The following NUP155 variants were observed in gnomAD, a reference collection of about 807,000 sequenced individuals.
NUP155 encodes nuclear pore complex protein Nup155.
In NUP155, 71 loss-of-function variants were observed where a neutral mutation model predicts 180.4. That is an observed-to-expected ratio of 0.39 (90% CI 0.33 to 0.48). NUP155 has a LOEUF of 0.48. Among genes scored for constraint, NUP155 ranks in the 20% least tolerant of loss-of-function variants. The probability of loss-of-function intolerance (pLI) is 0.91; values close to 1 mark genes in which losing one functional copy is unlikely to be tolerated. For missense variants in NUP155, 1,553 were observed against 1,648.9 expected (o/e 0.94, Z 1.01); for synonymous variants, 582 against 559.5 (o/e 1.04, Z -0.57).
rs1746304229 is a variant in NUP155 at position 37,349,225 on chromosome 5, T to C, written c.850A>G (p.Ile284Val). The C allele has an allele frequency of 1.2e-6, 1 of 840,692 alleles. No homozygotes were observed. The allele number at this position is 840,692 out of a possible 1,614,324, so 52.1% of individuals were successfully genotyped here. ...SEDDPILQIAIDNSRNILYTR... is the reference protein window; with the variant it reads ...SEDDPILQIAVDNSRNILYTR... ...TATAAAATATTTCTAGAATTATCAA[T>C]TGCAATTTGAAGAATAGGATCTAAA... Residue 284 changes from isoleucine to valine, a missense_variant, in exon 8 of 35, where the codon ATT (isoleucine) becomes GTT (valine). Transcript: ENST00000231498.
chr5:37,349,298 A>G, intron 7 of NUP155, 53 bp from the exon 8 acceptor site: 1 of 598,494 alleles, frequency 1.7e-6, no homozygotes, highest in Non-Finnish European at 2.9e-6. Context: ...AAGGATTAAC[A>G]AAGCAAATAC....
chr5:37,343,291 G>A lies in NUP155; in HGVS notation c.996-645C>T, dbSNP rs566794767. ...GGGTTTCACTATGTTAGCCAGGATG[G>A]TCTCGATCTCCTGACCTCATGATCC... On this transcript the variant is annotated intron_variant, in intron 9 of 34. Coordinates refer to ENST00000231498, the MANE Select transcript of NUP155 (RefSeq NM_153485.3). Among the ~76,000 whole-genome samples the A allele has an allele frequency of 2.0e-5, 3 of 151,886 alleles. No homozygotes were observed. The South Asian group carries it at 6.2e-4, about 32-fold the overall frequency.
chr5:37,359,635 T>C (rs1222823614), intron 3 of NUP155, among the ~76,000 whole-genome samples: 1 of 152,126 alleles, frequency 6.6e-6, no homozygotes, highest in Non-Finnish European at 1.5e-5. Flanking sequence ...TAAATACCAC[T>C]TGCTACTTAC....
intron 11 of NUP155, among the ~76,000 whole-genome samples, chr5:37,339,290 G>T (rs1745556092): frequency 7.1e-6 from 1 of 141,582 alleles, no homozygotes; most frequent in African/African-American, 2.8e-5. Context: ...CTGCTTGGGT[G>T]ACAGTAGACA....
intron 13 of NUP155, 72 bp downstream of exon 13, chr5:37,333,391 A>T: frequency 1.6e-6 from 2 of 1,260,066 alleles, no homozygotes; most frequent in Non-Finnish European, 2.3e-6. Context: ...TTAAGCCACT[A>T]CTTCAGAGAA....
Position 37,353,563 on chromosome 5 carries a change from C to A in NUP155, c.464-734G>T, listed in dbSNP as rs913220062. Among the ~76,000 whole-genome samples the A allele has an allele frequency of 7.2e-5, 11 of 152,050 alleles. No individual in the cohort carries two copies. In the East Asian group the frequency reaches 2.1e-3, roughly 29 times the overall value. ...CGCCATTACACCCCAGTCTGGACGA[C>A]AGAGTGAGACTCCATCTCAAAAAAA... is the stretch of plus-strand genomic sequence containing the variant. On this transcript the variant is annotated intron_variant, in intron 4 of 34. Transcript: ENST00000231498.
chr5:37,320,061 T>C (rs1467914244), intron 20 of NUP155, among the ~76,000 whole-genome samples: 1 of 152,084 alleles, frequency 6.6e-6, no homozygotes, highest in Non-Finnish European at 1.5e-5. Flanking sequence ...AGCACATGCC[T>C]GTAGCCCCAG....
intron 21 of NUP155, among the ~76,000 whole-genome samples, chr5:37,315,232 AAAAC>A (rs1425862563): frequency 2.0e-5 from 3 of 152,234 alleles, no homozygotes; most frequent in Admixed American, 2.0e-4. Context: ...ACTCCATCTC[AAAAC>A]AAACAAACCA....
At chr5:37,331,279 A>T (rs1744944477) in intron 14 of NUP155, among the ~76,000 whole-genome samples, 1 of 151,960 alleles carries the variant, frequency 6.6e-6, no homozygotes, top group Non-Finnish European at 1.5e-5. Context: ...TATTGTTAAG[A>T]TTATCTATTT....
At chr5:37,313,418 T>G (rs1284743159) in intron 22 of NUP155, among the ~76,000 whole-genome samples, 1 of 148,148 alleles carries the variant, frequency 6.8e-6, no homozygotes, top group East Asian at 2.0e-4. Context: ...AGAGTGAGAC[T>G]CCATCTCTTA....
Position 37,363,996 on chromosome 5 carries a change from T to C in NUP155, c.296-12A>G. 1.9e-6 allele frequency: 3 copies of C among 1,580,006 alleles called. No individual in the cohort carries two copies. The South Asian group carries it at 3.3e-5, about 17-fold the overall frequency. ...ATTACACTGCATATCTGAGGTAGTG[T>C]GGATGTAAGGCAGACAGAGGTGAAT... is the stretch of plus-strand genomic sequence containing the variant. On this transcript the variant is annotated splice_polypyrimidine_tract_variant and intron_variant, in intron 2 of 34. Coordinates refer to ENST00000231498, the MANE Select transcript of NUP155 (RefSeq NM_153485.3).
chr5:37,297,298 T>C (rs1742638851), intron 32 of NUP155, among the ~76,000 whole-genome samples: 2 of 151,644 alleles, frequency 1.3e-5, no homozygotes, highest in Admixed American at 1.3e-4. Context: ...AGATTACAGG[T>C]GTGAGCCACC....
At chr5:37,300,556 G>C (rs13160521) in intron 30 of NUP155, among the ~76,000 whole-genome samples, 20,977 of 152,230 alleles carry the variant, frequency 0.14, 1,779 homozygotes, top group East Asian at 0.3. Flanking sequence ...GAACTGCTCA[G>C]AAAATTACAG....
chr5:37,296,158 C>G (rs1224034547), intron 32 of NUP155, among the ~76,000 whole-genome samples: 1 of 152,186 alleles, frequency 6.6e-6, no homozygotes, highest in African/African-American at 2.4e-5. Flanking sequence ...GCCCGGCCAC[C>G]ACCCCATCTG....
rs1744564366 is a variant in NUP155 at position 37,325,800 on chromosome 5, G to C, written c.2091+101C>G. The C allele has an allele frequency of 7.7e-5, 51 of 659,688 alleles. No individual in the cohort carries two copies. The South Asian group carries it at 8.4e-4, about 11-fold the overall frequency. 40.9% of individuals were successfully genotyped at this position (659,688 alleles called of 1,614,324 possible). A position where few individuals can be genotyped will look rare whatever the true frequency, so the allele number is the denominator to read the frequency against. On this transcript the variant is annotated intron_variant, in intron 19 of 34. Coordinates refer to ENST00000231498, the MANE Select transcript of NUP155 (RefSeq NM_153485.3). ...AAAAAAAAAAAAAAAAATAACCTTTGCCATCTTATTTGTGTAATATCAGGA... is the reference window on the plus strand; with the variant it reads ...AAAAAAAAAAAAAAAAATAACCTTTCCCATCTTATTTGTGTAATATCAGGA...
Position 37,303,305 on chromosome 5 carries a change from A to C in NUP155, c.3272T>G (p.Phe1091Cys), listed in dbSNP as rs775419949. Residue 1091 changes from phenylalanine (F) to cysteine (C), a missense_variant, in exon 28 of 35, where the codon TTC becomes TGC. Transcript: ENST00000231498. Reference protein sequence around the residue: ...LWRYYEKNRSFSNAARVLSRL... With the variant: ...LWRYYEKNRSCSNAARVLSRL... ...GGACAGTACACGAGCAGCATTACTG[A>C]AACTTCTGTTCTTCTCGTAATACCG... 2 of 1,614,154 alleles carry C rather than the reference A, an allele frequency of 1.2e-6. No individual in the cohort carries two copies.
At position 37,290,979 on chromosome 5, in the gene NUP155, C is replaced by T. The variant is rs999265080; in HGVS notation, c.*921G>A. 4.6e-5 allele frequency: 7 copies of T among 152,114 alleles called. No individual in the cohort carries two copies. Among genetic ancestry groups the T allele is most frequent in the African/African-American group, 1.7e-4 (7 of 41,418 alleles). The allele number at this position is 152,114 out of a possible 1,614,324, so 9.4% of individuals were successfully genotyped here. On this transcript the variant is annotated 3_prime_UTR_variant, in exon 35 of 35. Coordinates refer to ENST00000231498, the MANE Select transcript of NUP155 (RefSeq NM_153485.3). The stretch of plus-strand genomic sequence containing the variant: ...ATCAGTAGTCACAAGGCCAAGCAGC[C>T]AGGTAGACACTAAGGGAAAACAGTA...
intron 11 of NUP155, among the ~76,000 whole-genome samples, chr5:37,340,243 C>T (rs992489273): frequency 3.3e-5 from 5 of 151,950 alleles, no homozygotes; most frequent in African/African-American, 4.8e-5. Context: ...GAGTTTGAGA[C>T]GAGCCTAGGC....
intron 23 of NUP155, among the ~76,000 whole-genome samples, chr5:37,309,732 T>C (rs1743407319): frequency 6.6e-6 from 1 of 152,144 alleles, no homozygotes; most frequent in East Asian, 1.9e-4. Flanking sequence ...CACCTTTGGT[T>C]TTTTAATATG....
Sources: allele counts gnomAD v4.1 joint callset (sites outside exome capture counted in the v4.1 genomes callset), GRCh38; gene constraint gnomAD v4.1.1; transcripts MANE v1.5; gene names NCBI Gene and HGNC (gene_info 2026-07-23, HGNC 2026-07-21).